NKAIN2: variants seen among roughly 807,000 people sequenced by gnomAD.
NKAIN2 encodes the protein sodium/potassium transporting ATPase interacting 2.
In NKAIN2, 14 loss-of-function variants were observed where a neutral mutation model predicts 32.6. The observed-to-expected ratio is 0.43, with a 90% CI of 0.28 to 0.67. The LOEUF is 0.67. NKAIN2 is among the 30% of genes least tolerant of loss of function. The pLI is 0.17. For synonymous variants in NKAIN2, 80 were observed against 87.2 expected, an observed-to-expected ratio of 0.92 and a Z score of 0.46; for missense variants, 198 against 258.3, an observed-to-expected ratio of 0.77 and a Z score of 1.60.
intron 4 of NKAIN2, among the ~76,000 whole-genome samples, chr6:124,766,852 T>C (rs1778535940): frequency 6.6e-6 from 1 of 152,188 alleles, no homozygotes. Flanking sequence ...TTTGAGCTGA[T>C]TGAGAGATCT....
chr6:124,673,129 G>C (rs1773188474), intron 4 of NKAIN2, among the ~76,000 whole-genome samples: 1 of 152,014 alleles, frequency 6.6e-6, no homozygotes, highest in South Asian at 2.1e-4. Context: ...TTGTTAAGTG[G>C]AATCATGTAG....
At chr6:124,290,560 GTTGCTAATTGTTGATTTTTCAGCT>G (rs1795761249) in intron 2 of NKAIN2, among the ~76,000 whole-genome samples, 1 of 148,466 alleles carries the variant, frequency 6.7e-6, no homozygotes, top group African/African-American at 2.5e-5. Context: ...GTGCGTCTGT[GTTGCTAATTGTTGATTTTTCAGCT>G]TTAGACAGTG....
At chr6:124,506,747 A>G (rs1778500057) in intron 3 of NKAIN2, among the ~76,000 whole-genome samples, 2 of 152,210 alleles carry the variant, frequency 1.3e-5, no homozygotes, top group Admixed American at 1.3e-4. Context: ...TAAGAAATAA[A>G]TGTACCTACA....
chr6:124,680,528 C>CCTATGTATGTAG (rs1773568613), intron 4 of NKAIN2, among the ~76,000 whole-genome samples: 1 of 152,050 alleles, frequency 6.6e-6, no homozygotes, highest in Non-Finnish European at 1.5e-5. Context: ...AGAGTTCCTA[C>CCTATGTATGTAG]ATACAGGAAC....
intron 1 of NKAIN2, among the ~76,000 whole-genome samples, chr6:123,884,529 AT>A (rs1343173368): frequency 6.6e-6 from 1 of 152,172 alleles, no homozygotes; most frequent in Non-Finnish European, 1.5e-5. Context: ...TACACTTCTA[AT>A]TACCCCTAAC....
At chr6:124,687,737 GAT>G (rs1196602471) in intron 4 of NKAIN2, among the ~76,000 whole-genome samples, 10 of 44,664 alleles carry the variant, frequency 2.2e-4, no homozygotes, top group South Asian at 8.3e-4. Flanking sequence ...AAATATATAT[GAT>G]ATATACACAC....
At chr6:124,727,911 G>C (rs1776419710) in intron 4 of NKAIN2, among the ~76,000 whole-genome samples, 1 of 147,298 alleles carries the variant, frequency 6.8e-6, no homozygotes, top group African/African-American at 2.5e-5. Context: ...TGCAATCCTA[G>C]TCTCTGATAA....
At chr6:123,933,611 A>T (rs1176294718) in intron 1 of NKAIN2, among the ~76,000 whole-genome samples, 3 of 152,238 alleles carry the variant, frequency 2.0e-5, no homozygotes, top group African/African-American at 7.2e-5. Context: ...ACAGAAAAGT[A>T]GCGTGAGCAA....
intron 4 of NKAIN2, among the ~76,000 whole-genome samples, chr6:124,673,341 C>T (rs2114480676): frequency 6.6e-6 from 1 of 152,236 alleles, no homozygotes; most frequent in Middle Eastern, 3.4e-3. Context: ...AATAGTGCTG[C>T]AGTGAACATG....
At chr6:124,725,299 C>A (rs1776217793) in intron 4 of NKAIN2, among the ~76,000 whole-genome samples, 1 of 152,016 alleles carries the variant, frequency 6.6e-6, no homozygotes, top group African/African-American at 2.4e-5. Flanking sequence ...AGTGCAGTGT[C>A]ATGATCATAG....
chr6:124,810,160 G>A (rs1184670315), intron 5 of NKAIN2, among the ~76,000 whole-genome samples: 1 of 151,954 alleles, frequency 6.6e-6, no homozygotes, highest in African/African-American at 2.4e-5. Context: ...TATAAATCAT[G>A]CTGCTATAAA....
intron 2 of NKAIN2, among the ~76,000 whole-genome samples, chr6:124,334,176 G>A (rs887935981): frequency 6.6e-6 from 1 of 152,088 alleles, no homozygotes; most frequent in Admixed American, 6.5e-5. Flanking sequence ...TGAGCACATG[G>A]TTCTCTCTTC....
intron 1 of NKAIN2, among the ~76,000 whole-genome samples, chr6:124,128,688 C>CT (rs1786304922): frequency 6.6e-6 from 1 of 152,204 alleles, no homozygotes; most frequent in Admixed American, 6.5e-5. Context: ...GTCTCCCCAT[C>CT]TTTAAGTTCT....
intron 3 of NKAIN2, among the ~76,000 whole-genome samples, chr6:124,360,696 G>A (rs1554288315): frequency 6.6e-6 from 1 of 152,056 alleles, no homozygotes; most frequent in Non-Finnish European, 1.5e-5. Context: ...TGATACATAA[G>A]ATGATAGGAG....
intron 1 of NKAIN2, among the ~76,000 whole-genome samples, chr6:124,073,975 A>G (rs1783577213): frequency 6.6e-6 from 1 of 152,172 alleles, no homozygotes; most frequent in Non-Finnish European, 1.5e-5. Flanking sequence ...ATGGCTAGGC[A>G]GACATAGGAT....
intron 1 of NKAIN2, among the ~76,000 whole-genome samples, chr6:124,197,990 A>C (rs141970403): frequency 2.0e-5 from 3 of 151,998 alleles, no homozygotes; most frequent in Admixed American, 6.6e-5. Flanking sequence ...GAAATCTGCC[A>C]GGTTACTAGT....
chr6:124,735,389 T>A lies in NKAIN2; in HGVS notation c.475-55950T>A, dbSNP rs1006719227. Among the ~76,000 whole-genome samples, 3 of 151,966 alleles carry A rather than the reference T, an allele frequency of 2.0e-5. No homozygotes were observed. The East Asian group carries it at 5.8e-4, about 29-fold the overall frequency. ...AGTATGAAGAATAAATGAAAAAATC[T>A]GCAAAGATTTTGAGCACAGAATAAT... On this transcript the variant is annotated intron_variant, in intron 4 of 6. Transcript: ENST00000368417.
At position 124,209,745 on chromosome 6, in the gene NKAIN2, T is replaced by C. The variant is rs1187184929; in HGVS notation, c.55-73260T>C. Among the ~76,000 whole-genome samples the C allele has an allele frequency of 2.0e-5, 3 of 151,882 alleles. 1 individual carries two copies. The highest frequency in any genetic ancestry group is 2.1e-4 in the South Asian group (1 of 4,832). ...TTTTTTTCATATACCTGTTGGACATTTGTATGTCTTATATTGAGAAATGTC... is the reference window on the plus strand; with the variant it reads ...TTTTTTTCATATACCTGTTGGACATCTGTATGTCTTATATTGAGAAATGTC... On this transcript the variant is annotated intron_variant, in intron 1 of 6. Transcript: ENST00000368417.
intron 1 of NKAIN2, among the ~76,000 whole-genome samples, chr6:124,162,873 G>A (rs1788347859): frequency 6.6e-6 from 1 of 151,952 alleles, no homozygotes. Flanking sequence ...AGTCTTCTTA[G>A]GCAAAGTTCT....
Sources: gnomAD v4.1 joint callset for allele counts (sites outside exome capture counted in the v4.1 genomes callset) on GRCh38, gnomAD v4.1.1 for gene constraint, MANE v1.5 for transcripts, NCBI Gene and HGNC (gene_info 2026-07-23, HGNC 2026-07-21) for gene names.